Variants in CENPW observed in about 807,000 individuals in gnomAD.
The protein encoded by CENPW is cancer-up-regulated gene 2 protein.
A neutral mutation model predicts 11.1 loss-of-function variants in CENPW; 3 were observed. That is an observed-to-expected ratio of 0.27 (90% CI 0.12 to 0.70). The LOEUF (loss-of-function observed/expected upper bound fraction) is 0.70, where lower values mean the gene tolerates loss of function less well. CENPW is among the 30% of genes least tolerant of loss of function. CENPW has a pLI of 0.77. For missense variants in CENPW, 100 were observed against 105.6 expected (o/e 0.95, Z 0.23); for synonymous variants, 38 against 42.0 (o/e 0.91, Z 0.37).
At chr6:126,480,346 A>G in the CENPW span, among the ~76,000 whole-genome samples, 1 of 152,036 alleles carries the variant, frequency 6.6e-6, no homozygotes, top group South Asian at 2.1e-4. Context: ...AACATGGGAC[A>G]GAGAATAAGG....
At chr6:126,411,003 C>T in the CENPW span, among the ~76,000 whole-genome samples, 1 of 151,820 alleles carries the variant, frequency 6.6e-6, no homozygotes, top group Non-Finnish European at 1.5e-5. Flanking sequence ...TCATTAGGAC[C>T]TTTTAGTAGT....
chr6:126,358,238 C>G, the CENPW span, among the ~76,000 whole-genome samples: 35 of 152,120 alleles, frequency 2.3e-4, no homozygotes, highest in African/African-American at 8.4e-4. Flanking sequence ...ATTTCCAGTA[C>G]TATGTTAAAT....
the CENPW span, among the ~76,000 whole-genome samples, chr6:126,414,227 A>G: frequency 6.6e-6 from 1 of 152,112 alleles, no homozygotes; most frequent in East Asian, 1.9e-4. Context: ...TGATACTTCA[A>G]CATGCCACTC....
chr6:126,424,129 A>C, the CENPW span, among the ~76,000 whole-genome samples: 6 of 152,140 alleles, frequency 3.9e-5, no homozygotes, highest in Admixed American at 2.6e-4. Context: ...TAACCTACTA[A>C]CATCTATTGT....
At chr6:126,370,914 G>A in the CENPW span, among the ~76,000 whole-genome samples, 73 of 151,830 alleles carry the variant, frequency 4.8e-4, no homozygotes, top group Non-Finnish European at 6.0e-4. Flanking sequence ...CACCACGCCT[G>A]GCTAATTTTT....
At chr6:126,454,038 A>G in the CENPW span, among the ~76,000 whole-genome samples, 1 of 151,540 alleles carries the variant, frequency 6.6e-6, no homozygotes, top group South Asian at 2.1e-4. Flanking sequence ...CTGAATATAT[A>G]TGCATGAGCA....
chr6:126,416,030 A>C, the CENPW span, among the ~76,000 whole-genome samples: 2 of 152,208 alleles, frequency 1.3e-5, no homozygotes, highest in Non-Finnish European at 2.9e-5. Context: ...AAACTGTGGG[A>C]AAGTTGGGAA....
the CENPW span, among the ~76,000 whole-genome samples, chr6:126,452,029 C>G: frequency 6.6e-6 from 1 of 151,034 alleles, no homozygotes; most frequent in African/African-American, 2.4e-5. Context: ...ACATGTGGAA[C>G]AGGTACAAAT....
At chr6:126,411,933 T>A in the CENPW span, among the ~76,000 whole-genome samples, 1 of 105,416 alleles carries the variant, frequency 9.5e-6, no homozygotes, top group Non-Finnish European at 1.9e-5. Flanking sequence ...TCCTTTCTTC[T>A]TCCCTCCCTC....
the CENPW span, among the ~76,000 whole-genome samples, chr6:126,379,377 C>T: frequency 1.3e-5 from 2 of 152,114 alleles, no homozygotes; most frequent in African/African-American, 4.8e-5. Flanking sequence ...TGGAAAATGG[C>T]TAAATTTATT....
At chr6:126,441,250 G>T in the CENPW span, among the ~76,000 whole-genome samples, 2 of 151,328 alleles carry the variant, frequency 1.3e-5, no homozygotes, top group Non-Finnish European at 3.0e-5. Flanking sequence ...GTGTTAAGCA[G>T]CAAGATGATA....
At chr6:126,405,531 T>C in the CENPW span, among the ~76,000 whole-genome samples, 1 of 152,100 alleles carries the variant, frequency 6.6e-6, no homozygotes, top group Admixed American at 6.6e-5. Flanking sequence ...TTTTTCTATT[T>C]TCATGACAAG....
the CENPW span, among the ~76,000 whole-genome samples, chr6:126,392,835 C>T: frequency 6.6e-6 from 1 of 151,858 alleles, no homozygotes; most frequent in Non-Finnish European, 1.5e-5. Context: ...GTATTTTGCT[C>T]TTTCTCTATT....
chr6:126,440,460 G>T, the CENPW span, among the ~76,000 whole-genome samples: 1 of 151,498 alleles, frequency 6.6e-6, no homozygotes, highest in Non-Finnish European at 1.5e-5. Flanking sequence ...CTTTTTAAAA[G>T]TAGCATCTAA....
At chr6:126,441,916 G>A in the CENPW span, among the ~76,000 whole-genome samples, 11 of 151,652 alleles carry the variant, frequency 7.3e-5, no homozygotes, top group African/African-American at 2.4e-4. Context: ...ATAAACATGC[G>A]TGTGCAAGTA....
chr6:126,480,593 A>T, the CENPW span, among the ~76,000 whole-genome samples: 3 of 152,078 alleles, frequency 2.0e-5, no homozygotes, highest in East Asian at 5.8e-4. Context: ...CTCAAATACC[A>T]CAAAATGAAT....
chr6:126,463,978 C>T, the CENPW span, among the ~76,000 whole-genome samples: 5 of 151,836 alleles, frequency 3.3e-5, no homozygotes, highest in African/African-American at 1.2e-4. Flanking sequence ...ATATCAAAAC[C>T]AGACAGAGAC....
chr6:126,385,078 A>G, the CENPW span, among the ~76,000 whole-genome samples: 4 of 152,150 alleles, frequency 2.6e-5, no homozygotes, highest in African/African-American at 9.7e-5. Context: ...CATACCAGTC[A>G]GAATGGCTAC....
the CENPW span, among the ~76,000 whole-genome samples, chr6:126,416,560 T>A: frequency 6.6e-6 from 1 of 152,146 alleles, no homozygotes; most frequent in Non-Finnish European, 1.5e-5. Flanking sequence ...AAAGTAGTTT[T>A]GTGGACTGGG....
Sources: gnomAD v4.1 joint callset for allele counts (sites outside exome capture counted in the v4.1 genomes callset) on GRCh38, gnomAD v4.1.1 for gene constraint, MANE v1.5 for transcripts, NCBI Gene and HGNC (gene_info 2026-07-23, HGNC 2026-07-21) for gene names.